EXT1: variants seen among roughly 807,000 people sequenced by gnomAD.
The protein encoded by EXT1 is exostosin glycosyltransferase 1.
EXT1 carries 20 observed loss-of-function variants against 82.5 expected under a neutral mutation model. The ratio of observed to expected loss-of-function variants is 0.24; its 90% CI spans 0.17 to 0.35. EXT1 has a LOEUF of 0.35. Among genes scored for constraint, EXT1 ranks in the 10% least tolerant of loss-of-function variants. EXT1 has a pLI of 1.00. For synonymous variants in EXT1, 348 were observed against 350.8 expected (o/e 0.99, Z 0.09); for missense variants, 757 against 936.5 (o/e 0.81, Z 2.50).
rs73323942 is a variant in EXT1 at position 117,950,910 on chromosome 8, A to T, written c.963-113709T>A. 8.2e-3 allele frequency among the ~76,000 whole-genome samples: 1,235 copies of T among 151,412 alleles called. 23 individuals are homozygous for T. The highest frequency in any genetic ancestry group is 0.028 in the African/African-American group (1,151 of 41,300). Reference sequence around the variant, plus strand: ...CATTGTACTCCATGAAGAAACAAAAATTTTTTTTTTAAAAGTTGTAAGTTT... The same window carrying T: ...CATTGTACTCCATGAAGAAACAAAATTTTTTTTTTTAAAAGTTGTAAGTTT... On this transcript the variant is annotated intron_variant, in intron 1 of 10. Transcript: ENST00000378204.
chr8:118,007,558 C>T (rs1210063748), intron 1 of EXT1, among the ~76,000 whole-genome samples: 1 of 152,218 alleles, frequency 6.6e-6, no homozygotes, highest in African/African-American at 2.4e-5. Context: ...ACCACCACGG[C>T]ACACATTTAC....
chr8:118,010,285 T>C (rs1014351798), intron 1 of EXT1, among the ~76,000 whole-genome samples: 1 of 143,452 alleles, frequency 7.0e-6, no homozygotes, highest in Non-Finnish European at 1.5e-5. Context: ...GGCAGGAGAA[T>C]GGAGTGATCC....
chr8:117,936,432 A>G (rs1814164419), intron 1 of EXT1, among the ~76,000 whole-genome samples: 1 of 152,252 alleles, frequency 6.6e-6, no homozygotes, highest in Non-Finnish European at 1.5e-5. Flanking sequence ...TGACCAAATT[A>G]GAGAAAACCA....
intron 1 of EXT1, among the ~76,000 whole-genome samples, chr8:117,860,828 A>G (rs1463312663): frequency 6.6e-6 from 1 of 152,150 alleles, no homozygotes; most frequent in Non-Finnish European, 1.5e-5. Flanking sequence ...TTATTACATC[A>G]CTTACCTGGC....
intron 3 of EXT1, among the ~76,000 whole-genome samples, chr8:117,832,713 G>A (rs570976210): frequency 3.3e-5 from 5 of 152,182 alleles, no homozygotes; most frequent in East Asian, 1.9e-4. Context: ...GTATTCTACC[G>A]GCTTGTGATA....
chr8:117,835,459 C>T lies in EXT1; in HGVS notation c.1149G>A (p.Glu383=), dbSNP rs758245432. The part of the protein sequence containing the change: ...NWNQAAVIGD[E]RLLLQIPSTI... ...CCTTCCTTACCTGTAATAACAATCT[C>T]TCATCGCCTATGACGGCAGCTTGGT... The change falls in exon 3 of 11, where the codon GAG becomes GAA. Residue 383 remains glutamate (E), a synonymous_variant. Coordinates refer to ENST00000378204, the MANE Select transcript of EXT1 (RefSeq NM_000127.3). 3 of 1,613,916 alleles carry T rather than the reference C, an allele frequency of 1.9e-6. No individual in the cohort carries two copies. The East Asian group carries it at 6.7e-5, about 36-fold the overall frequency.
At chr8:118,024,952 T>C (rs1816176684) in intron 1 of EXT1, among the ~76,000 whole-genome samples, 1 of 152,268 alleles carries the variant, frequency 6.6e-6, no homozygotes, top group Admixed American at 6.5e-5. Flanking sequence ...TATCTTGATA[T>C]TCGCATGTCT....
intron 1 of EXT1, among the ~76,000 whole-genome samples, chr8:117,851,189 C>G (rs1431711951): frequency 1.3e-5 from 2 of 151,810 alleles, no homozygotes; most frequent in African/African-American, 4.8e-5. Context: ...ATCATCCAGT[C>G]CAAATATCCA....
chr8:117,932,226 G>C (rs905688297), intron 1 of EXT1, among the ~76,000 whole-genome samples: 5 of 152,042 alleles, frequency 3.3e-5, no homozygotes, highest in African/African-American at 1.2e-4. Flanking sequence ...GAAAACTATT[G>C]AACAGAAAAG....
intron 1 of EXT1, among the ~76,000 whole-genome samples, chr8:117,982,400 T>G (rs1478961255): frequency 6.6e-6 from 1 of 152,226 alleles, no homozygotes; most frequent in Non-Finnish European, 1.5e-5. Context: ...GGAAAAAAAG[T>G]GTCTAGCCCC....
chr8:118,067,999 T>A (rs1817021512), intron 1 of EXT1, among the ~76,000 whole-genome samples: 1 of 152,216 alleles, frequency 6.6e-6, no homozygotes, highest in Non-Finnish European at 1.5e-5. Flanking sequence ...AAACTGCAAC[T>A]ACAACTTTCT....
At chr8:118,066,290 C>G (rs1156820945) in intron 1 of EXT1, among the ~76,000 whole-genome samples, 1 of 151,924 alleles carries the variant, frequency 6.6e-6, no homozygotes, top group African/African-American at 2.4e-5. Flanking sequence ...AATATATTTT[C>G]TCTTCCTTAT....
chr8:117,849,915 C>T (rs1434043098), intron 1 of EXT1, among the ~76,000 whole-genome samples: 1 of 152,212 alleles, frequency 6.6e-6, no homozygotes, highest in Non-Finnish European at 1.5e-5. Context: ...CCATCTACTG[C>T]TTCAGAAGTA....
At chr8:117,834,860 A>T (rs1446519107) in intron 3 of EXT1, among the ~76,000 whole-genome samples, 2 of 152,060 alleles carry the variant, frequency 1.3e-5, no homozygotes, top group South Asian at 2.1e-4. Flanking sequence ...ATTTAAAAAA[A>T]AATAATACAT....
At chr8:118,071,222 A>G (rs1817085206) in intron 1 of EXT1, among the ~76,000 whole-genome samples, 1 of 152,198 alleles carries the variant, frequency 6.6e-6, no homozygotes, top group South Asian at 2.1e-4. Flanking sequence ...GGACTGAATA[A>G]ATAATTGAAG....
chr8:118,022,483 G>A (rs375557669), intron 1 of EXT1, among the ~76,000 whole-genome samples: 5 of 150,698 alleles, frequency 3.3e-5, no homozygotes, highest in South Asian at 2.1e-4. Context: ...GATTATAGGC[G>A]CATGCCACCA....
At chr8:117,848,356 A>G (rs80062039) in intron 1 of EXT1, among the ~76,000 whole-genome samples, 1 of 152,318 alleles carries the variant, frequency 6.6e-6, no homozygotes, top group Non-Finnish European at 1.5e-5. Flanking sequence ...GAAGTACAAC[A>G]GTACCCTGGG....
chr8:118,008,410 C>T (rs1385006645), intron 1 of EXT1, among the ~76,000 whole-genome samples: 1 of 152,124 alleles, frequency 6.6e-6, no homozygotes, highest in Non-Finnish European at 1.5e-5. Context: ...TAGACGCCCA[C>T]CACCATGCCT....
intron 1 of EXT1, among the ~76,000 whole-genome samples, chr8:118,032,339 C>T (rs1816340738): frequency 6.6e-6 from 1 of 151,678 alleles, no homozygotes. Context: ...GTCCAGCAAT[C>T]TGTGCTCCAC....
Sources: gnomAD v4.1 joint callset for allele counts (sites outside exome capture counted in the v4.1 genomes callset) on GRCh38, gnomAD v4.1.1 for gene constraint, MANE v1.5 for transcripts, NCBI Gene and HGNC (gene_info 2026-07-23, HGNC 2026-07-21) for gene names.